The following ST18 variants were observed in gnomAD, a reference collection of about 807,000 sequenced individuals.
ST18 encodes the protein suppression of tumorigenicity 18 protein.
Under a neutral mutation model 110.0 loss-of-function variants are expected in ST18, and 50 were observed. The ratio of observed to expected loss-of-function variants is 0.45; its 90% CI spans 0.36 to 0.58. The LOEUF is 0.58. Ranked by LOEUF, ST18 falls within the 20% of genes least tolerant of loss-of-function variation. The pLI is 0.00. For missense variants in ST18, 1,306 were observed against 1,280.1 expected (o/e 1.02, Z -0.31); for synonymous variants, 461 against 452.4 (o/e 1.02, Z -0.24).
intron 2 of ST18, among the ~76,000 whole-genome samples, chr8:52,307,995 A>C (rs1019248427): frequency 6.6e-6 from 1 of 152,152 alleles, no homozygotes; most frequent in Non-Finnish European, 1.5e-5. Flanking sequence ...AGAAGCACAA[A>C]ATGTTTTTTA....
At chr8:52,406,992 G>C (rs533192937) in intron 2 of ST18, 5 of 152,236 alleles carry the variant, frequency 3.3e-5, no homozygotes, top group African/African-American at 1.2e-4. Context: ...AAAGAGGAAA[G>C]GATTTTATCA....
intron 16 of ST18, among the ~76,000 whole-genome samples, chr8:52,145,794 A>T (rs2057047546): frequency 6.6e-6 from 1 of 152,240 alleles, no homozygotes; most frequent in South Asian, 2.1e-4. Flanking sequence ...TGAATAACAG[A>T]TAATAGCATC....
rs1158213340 is a variant in ST18 at position 52,113,954 on chromosome 8, G to GTTTTTTTTTTTTTTTTTTTTT, written c.3004-637_3004-617dup. 1.3e-4 allele frequency among the ~76,000 whole-genome samples: 6 copies of GTTTTTTTTTTTTTTTTTTTTT among 45,422 alleles called. 2 individuals are homozygous for GTTTTTTTTTTTTTTTTTTTTT. The highest frequency in any genetic ancestry group is 1.6e-3 in the East Asian group (2 of 1,214). The allele number at this position is 45,422 out of a possible 152,430, so 29.8% of individuals were successfully genotyped here. A position where few individuals can be genotyped will look rare whatever the true frequency, so the allele number is the denominator to read the frequency against. On this transcript the variant is annotated intron_variant, in intron 25 of 25. Transcript: ENST00000689386. ...CAAAGTTTAAATTTATTCATACCGT[G>GTTTTTTTTTTTTTTTTTTTTT]TTTTTTTTTTTTTTTTTTTTTTTTT...
intron 2 of ST18, among the ~76,000 whole-genome samples, chr8:52,324,998 A>G (rs1331534149): frequency 6.6e-6 from 1 of 152,270 alleles, no homozygotes; most frequent in Non-Finnish European, 1.5e-5. Context: ...GTACTAGTCT[A>G]TAAGGATGGA....
intron 2 of ST18, among the ~76,000 whole-genome samples, chr8:52,323,810 C>A (rs886385230): frequency 6.6e-6 from 1 of 152,198 alleles, no homozygotes; most frequent in Non-Finnish European, 1.5e-5. Flanking sequence ...AGTGCTCGCT[C>A]TTCTCACTTT....
intron 6 of ST18, among the ~76,000 whole-genome samples, chr8:52,217,186 G>T (rs189732497): frequency 6.6e-6 from 1 of 152,180 alleles, no homozygotes; most frequent in Non-Finnish European, 1.5e-5. Flanking sequence ...TTAAAAAGCT[G>T]TTCCTTTCCA....
intron 2 of ST18, among the ~76,000 whole-genome samples, chr8:52,333,646 T>C (rs16917710): frequency 0.16 from 23,655 of 152,124 alleles, 2,090 homozygotes; most frequent in African/African-American, 0.25. Context: ...ATAAGAAAAA[T>C]AAGTTCCAGA....
chr8:52,387,248 T>A (rs1281282784), intron 2 of ST18, among the ~76,000 whole-genome samples: 1 of 152,200 alleles, frequency 6.6e-6, no homozygotes, highest in Non-Finnish European at 1.5e-5. Flanking sequence ...AATTATCATC[T>A]CTAAATCTCT....
intron 8 of ST18, among the ~76,000 whole-genome samples, chr8:52,183,122 A>G (rs948002632): frequency 2.0e-5 from 3 of 152,200 alleles, no homozygotes; most frequent in African/African-American, 7.2e-5. Context: ...ACATAAGGAC[A>G]TAGATGTGGG....
At chr8:52,369,993 G>A (rs573299855) in intron 2 of ST18, among the ~76,000 whole-genome samples, 3 of 152,184 alleles carry the variant, frequency 2.0e-5, no homozygotes, top group Non-Finnish European at 4.4e-5. Context: ...TCAGACCGAT[G>A]CAGGTTTCAG....
intron 2 of ST18, among the ~76,000 whole-genome samples, chr8:52,272,329 G>T (rs2095101669): frequency 6.6e-6 from 1 of 150,920 alleles, no homozygotes; most frequent in Admixed American, 6.6e-5. Context: ...AATATATAAT[G>T]AACTTCTACA....
intron 2 of ST18, among the ~76,000 whole-genome samples, chr8:52,377,329 C>T (rs543287480): frequency 1.3e-5 from 2 of 152,282 alleles, no homozygotes; most frequent in African/African-American, 4.8e-5. Context: ...ACAACACAAC[C>T]TCACAACCCT....
At chr8:52,337,953 C>T (rs1488990955) in intron 2 of ST18, among the ~76,000 whole-genome samples, 2 of 152,208 alleles carry the variant, frequency 1.3e-5, no homozygotes, top group African/African-American at 4.8e-5. Flanking sequence ...TATTTGGTGA[C>T]AATATCTACC....
rs762627588 is a variant in ST18, at chr8:52,136,674, G to GA, written c.2232-17dup. ...TCCAGAAACACTAGAGAGGGATGAG[G>GA]AAAAAAACACAACACAACACTGACA... On this transcript the variant is annotated splice_polypyrimidine_tract_variant and intron_variant, in intron 18 of 25. Coordinates refer to ENST00000689386, the MANE Select transcript of ST18 (RefSeq NM_001352837.2). 4 of 1,593,992 alleles carry GA rather than the reference G, an allele frequency of 2.5e-6. No homozygotes were observed. The highest frequency in any genetic ancestry group is 1.1e-5 in the South Asian group (1 of 87,470).
At chr8:52,318,177 A>G (rs759039269) in intron 2 of ST18, among the ~76,000 whole-genome samples, 1 of 152,132 alleles carries the variant, frequency 6.6e-6, no homozygotes, top group Non-Finnish European at 1.5e-5. Context: ...TTAAATTTAC[A>G]AGAAAAAACA....
At chr8:52,145,377 A>G (rs984651205) in intron 16 of ST18, among the ~76,000 whole-genome samples, 3 of 152,126 alleles carry the variant, frequency 2.0e-5, no homozygotes, top group African/African-American at 7.2e-5. Flanking sequence ...ACGACCTTTT[A>G]AATATTTTGT....
intron 2 of ST18, among the ~76,000 whole-genome samples, chr8:52,255,968 T>A (rs7845943): frequency 0.16 from 24,940 of 152,136 alleles, 2,380 homozygotes; most frequent in African/African-American, 0.26. Flanking sequence ...CCCCCACTCC[T>A]TTCTGGCTGG....
intron 9 of ST18, among the ~76,000 whole-genome samples, chr8:52,178,631 AAAAAAAAAAAAAC>A (rs1244848966): frequency 4.6e-5 from 6 of 131,132 alleles, no homozygotes; most frequent in Non-Finnish European, 9.2e-5. Flanking sequence ...AAAAAAAAAA[AAAAAAAAAAAAAC>A]CACCAAAAAC....
intron 9 of ST18, among the ~76,000 whole-genome samples, chr8:52,173,377 C>T (rs922721713): frequency 6.6e-6 from 1 of 152,226 alleles, no homozygotes; most frequent in Non-Finnish European, 1.5e-5. Context: ...TACAAGGCTA[C>T]TTTGGGTCCT....
Sources: gnomAD v4.1 joint callset for allele counts (sites outside exome capture counted in the v4.1 genomes callset) on GRCh38, gnomAD v4.1.1 for gene constraint, MANE v1.5 for transcripts, NCBI Gene and HGNC (gene_info 2026-07-23, HGNC 2026-07-21) for gene names.